Variants in PPFIA2 observed in about 807,000 individuals in gnomAD.
PPFIA2 encodes PPFI scaffold protein A2, also known as liprin-alpha-2.
Under a neutral mutation model 175.5 loss-of-function variants are expected in PPFIA2, and 46 were observed. The observed-to-expected ratio is 0.26, with a 90% CI of 0.21 to 0.34. The LOEUF (loss-of-function observed/expected upper bound fraction) is 0.34, where lower values mean the gene tolerates loss of function less well. Among genes scored for constraint, PPFIA2 ranks in the 10% least tolerant of loss-of-function variants. PPFIA2 has a pLI of 1.00. For synonymous variants in PPFIA2, 568 were observed against 511.4 expected, an observed-to-expected ratio of 1.11 and a Z score of -1.49; for missense variants, 1,179 against 1,506.1, an observed-to-expected ratio of 0.78 and a Z score of 3.60.
chr12:81,418,115 G>C (rs1368343000), intron 7 of PPFIA2, among the ~76,000 whole-genome samples: 2 of 151,726 alleles, frequency 1.3e-5, no homozygotes, highest in African/African-American at 4.8e-5. Context: ...AAGGTAAAAA[G>C]AAAAAGGAAA....
At chr12:81,289,201 T>C (rs2044261122) in intron 24 of PPFIA2, among the ~76,000 whole-genome samples, 1 of 151,856 alleles carries the variant, frequency 6.6e-6, no homozygotes, top group South Asian at 2.1e-4. Flanking sequence ...TCTGCTGATG[T>C]TGGCTACTAC....
intron 7 of PPFIA2, among the ~76,000 whole-genome samples, chr12:81,407,888 C>T (rs150880832): frequency 1.2e-4 from 19 of 152,302 alleles, no homozygotes; most frequent in African/African-American, 4.3e-4. Flanking sequence ...TCTCCACTTC[C>T]TCATTTGCTT....
chr12:81,520,163 T>A (rs1296541262), intron 4 of PPFIA2, among the ~76,000 whole-genome samples: 2 of 152,202 alleles, frequency 1.3e-5, no homozygotes, highest in African/African-American at 4.8e-5. Context: ...AGAAGGATCA[T>A]CTGCTTTAGG....
At chr12:81,621,893 G>A (rs1335038138) in intron 4 of PPFIA2, among the ~76,000 whole-genome samples, 1 of 152,122 alleles carries the variant, frequency 6.6e-6, no homozygotes, top group African/African-American at 2.4e-5. Flanking sequence ...GAGAGTACTG[G>A]CTATAGATAT....
At chr12:81,454,205 G>A (rs1283166594) in intron 5 of PPFIA2, among the ~76,000 whole-genome samples, 4 of 152,096 alleles carry the variant, frequency 2.6e-5, no homozygotes, top group African/African-American at 9.7e-5. Context: ...GAGCAAGAGT[G>A]AGACCTCGTC....
chr12:81,555,836 G>A (rs187624460), intron 4 of PPFIA2, among the ~76,000 whole-genome samples: 1 of 151,948 alleles, frequency 6.6e-6, no homozygotes, highest in African/African-American at 2.4e-5. Flanking sequence ...ACATATTACT[G>A]CTATGCTTCT....
At chr12:81,464,817 T>A (rs1203045679) in intron 4 of PPFIA2, among the ~76,000 whole-genome samples, 1 of 151,900 alleles carries the variant, frequency 6.6e-6, no homozygotes, top group East Asian at 1.9e-4. Flanking sequence ...CACAGAGCAT[T>A]CTATTTTTAT....
intron 4 of PPFIA2, among the ~76,000 whole-genome samples, chr12:81,521,668 A>G (rs993982784): frequency 2.1e-4 from 32 of 151,360 alleles, no homozygotes; most frequent in African/African-American, 7.5e-4. Flanking sequence ...AAAAAAAAAA[A>G]AAATAGCCAG....
chr12:81,442,847 T>TTA (rs1491307442), intron 6 of PPFIA2, among the ~76,000 whole-genome samples: 3 of 33,950 alleles, frequency 8.8e-5, no homozygotes, highest in Non-Finnish European at 1.7e-4. Context: ...TTTTCTGACT[T>TTA]CATATATATA....
At chr12:81,547,869 C>A (rs1452206762) in intron 4 of PPFIA2, among the ~76,000 whole-genome samples, 1 of 152,090 alleles carries the variant, frequency 6.6e-6, no homozygotes, top group Non-Finnish European at 1.5e-5. Context: ...AAGAACTATC[C>A]TTACTTAAAA....
At chr12:81,540,449 GGTCTCTTATATGGGAAAAT>G (rs1272153818) in intron 4 of PPFIA2, among the ~76,000 whole-genome samples, 1 of 151,850 alleles carries the variant, frequency 6.6e-6, no homozygotes, top group Non-Finnish European at 1.5e-5. Context: ...GGCTGGGCTT[GGTCTCTTATATGGGAAAAT>G]GCTTTGTCAG....
rs553511938 is a variant in PPFIA2 at position 81,259,525 on chromosome 12, C to A, written c.*169G>T. 4.1e-4 allele frequency: 454 copies of A among 1,097,180 alleles called. 2 individuals carry two copies. The highest frequency in any genetic ancestry group is 2.6e-3 in the Middle Eastern group (13 of 4,966). 68.0% of individuals were successfully genotyped at this position (1,097,180 alleles called of 1,614,324 possible). A position where few individuals can be genotyped will look rare whatever the true frequency, so the allele number is the denominator to read the frequency against. The stretch of plus-strand genomic sequence containing the variant: ...ATCAAATGTAATATCTGACTCCCCC[C>A]AAAAATCACATTTTTCAGCTTTTAA... On this transcript the variant is annotated 3_prime_UTR_variant, in exon 33 of 33. Coordinates refer to ENST00000549396, the MANE Select transcript of PPFIA2 (RefSeq NM_003625.5).
At chr12:81,587,700 G>A (rs932159086) in intron 4 of PPFIA2, among the ~76,000 whole-genome samples, 3 of 151,968 alleles carry the variant, frequency 2.0e-5, no homozygotes, top group African/African-American at 7.2e-5. Flanking sequence ...AATATTGTCT[G>A]TATGTACATT....
intron 4 of PPFIA2, among the ~76,000 whole-genome samples, chr12:81,545,008 T>A (rs1446119545): frequency 6.6e-6 from 1 of 151,516 alleles, no homozygotes; most frequent in Non-Finnish European, 1.5e-5. Flanking sequence ...CCACCTAAGA[T>A]AGAACTTTTT....
chr12:81,757,049 T>C (rs2084790796), intron 2 of PPFIA2, among the ~76,000 whole-genome samples: 1 of 152,178 alleles, frequency 6.6e-6, no homozygotes, highest in Non-Finnish European at 1.5e-5. Context: ...GTTTCTTTCA[T>C]TAGAATTCAG....
At chr12:81,342,016 G>A (rs1373343091) in intron 19 of PPFIA2, among the ~76,000 whole-genome samples, 1 of 151,948 alleles carries the variant, frequency 6.6e-6, no homozygotes, top group Non-Finnish European at 1.5e-5. Context: ...AATAATAAAA[G>A]GTAAGATAGT....
At chr12:81,647,698 T>C (rs1359938075) in intron 4 of PPFIA2, among the ~76,000 whole-genome samples, 1 of 149,692 alleles carries the variant, frequency 6.7e-6, no homozygotes, top group African/African-American at 2.5e-5. Context: ...GTGGTGGAGC[T>C]TGCAGTGAGC....
intron 21 of PPFIA2, among the ~76,000 whole-genome samples, chr12:81,336,779 T>C (rs1476369476): frequency 6.6e-6 from 1 of 152,178 alleles, no homozygotes; most frequent in East Asian, 1.9e-4. Flanking sequence ...TTTCCCGTAG[T>C]TCTTTCCCTG....
chr12:81,629,097 C>T (rs1798470035), intron 4 of PPFIA2, among the ~76,000 whole-genome samples: 1 of 152,044 alleles, frequency 6.6e-6, no homozygotes, highest in African/African-American at 2.4e-5. Flanking sequence ...TATGCACCAT[C>T]ACAATGAGAA....
Sources: allele counts gnomAD v4.1 joint callset (sites outside exome capture counted in the v4.1 genomes callset), GRCh38; gene constraint gnomAD v4.1.1; transcripts MANE v1.5; gene names NCBI Gene and HGNC (gene_info 2026-07-23, HGNC 2026-07-21).